CRACD: variants seen among roughly 807,000 people sequenced by gnomAD.
CRACD encodes the protein capping protein inhibiting regulator of actin dynamics.
Under a neutral mutation model 106.8 loss-of-function variants are expected in CRACD, and 56 were observed. The ratio of observed to expected loss-of-function variants is 0.52; its 90% CI spans 0.42 to 0.66. The LOEUF (loss-of-function observed/expected upper bound fraction) is 0.66. Among genes scored for constraint, CRACD ranks in the 30% least tolerant of loss-of-function variants. The probability of loss-of-function intolerance (pLI) is 0.00; values close to 1 mark genes in which losing one functional copy is unlikely to be tolerated. For synonymous variants in CRACD, 754 were observed against 670.8 expected (o/e 1.12, Z -1.92); for missense variants, 1,730 against 1,623.2 (o/e 1.07, Z -1.13).
chr4:56,118,291 T>A (rs1186216176), intron 1 of CRACD, among the ~76,000 whole-genome samples: 1 of 152,208 alleles, frequency 6.6e-6, no homozygotes, highest in African/African-American at 2.4e-5. Flanking sequence ...TACATGCTTC[T>A]GAGCGCTTTC....
rs1745352358 is a variant in CRACD, at chr4:56,314,246, A to G, written c.744A>G (p.Leu248=). 1.9e-6 allele frequency: 3 copies of G among 1,580,078 alleles called. No individual in the cohort carries two copies. The highest frequency in any genetic ancestry group is 1.7e-4 in the Middle Eastern group (1 of 6,020). ...CGGAAGCAGCCGAGAAGAGACGCCT[A>G]GAGGAGCAGAGGCTGCAGGCGCTGG... ...QKAEAAEKRR[L]EEQRLQALER... is the part of the protein sequence containing the mutation. The change falls in exon 8 of 11, where the codon CTA becomes CTG. Residue 248 remains leucine (L), a synonymous_variant. Coordinates refer to ENST00000682029, the MANE Select transcript of CRACD (RefSeq NM_001393381.1). The surrounding 1 kb of genome is among the most constrained non-coding windows in gnomAD (Gnocchi z 4.4).
At chr4:56,264,804 A>G (rs934127466) in intron 2 of CRACD, among the ~76,000 whole-genome samples, 3 of 152,240 alleles carry the variant, frequency 2.0e-5, no homozygotes, top group Admixed American at 1.3e-4. Context: ...TTATAAAAGT[A>G]TTAATTTGGA....
In CRACD at chr4:56,139,207, C is replaced by G. The variant is rs114476160; in HGVS notation, c.-335-40077C>G. On this transcript the variant is annotated intron_variant, in intron 1 of 10. Transcript: ENST00000682029. ...TGAGATTGCTTCAATATTTAATAATCATTATATGTCATAATATTACTGTCA... is the reference window on the plus strand; with the variant it reads ...TGAGATTGCTTCAATATTTAATAATGATTATATGTCATAATATTACTGTCA... Among the ~76,000 whole-genome samples, 829 of 152,258 alleles carry G rather than the reference C, an allele frequency of 5.4e-3. 4 individuals carry two copies. Among genetic ancestry groups the G allele is most frequent in the African/African-American group, 0.018 (768 of 41,550 alleles).
chr4:56,192,394 C>CA (rs556415866), intron 2 of CRACD, among the ~76,000 whole-genome samples: 2,666 of 130,016 alleles, frequency 0.021, 33 homozygotes, highest in Middle Eastern at 0.042. Flanking sequence ...GACTCCATCT[C>CA]AAAAAAAAAA....
intron 1 of CRACD, among the ~76,000 whole-genome samples, chr4:56,164,157 C>T (rs1279068214): frequency 6.1e-5 from 9 of 146,524 alleles, no homozygotes; most frequent in East Asian, 6.0e-4. Flanking sequence ...TTTTTTGAGA[C>T]GGAGTCTTGC....
chr4:56,133,345 A>G (rs1734888912), intron 1 of CRACD, among the ~76,000 whole-genome samples: 1 of 152,212 alleles, frequency 6.6e-6, no homozygotes, highest in Non-Finnish European at 1.5e-5. Context: ...TTATCTTCAA[A>G]GGAAGCATGA....
At chr4:56,108,852 C>T (rs936294355) in intron 1 of CRACD, among the ~76,000 whole-genome samples, 2 of 152,236 alleles carry the variant, frequency 1.3e-5, no homozygotes, top group African/African-American at 2.4e-5. Flanking sequence ...CTTCTATCTA[C>T]TACGAACTTC....
intron 2 of CRACD, among the ~76,000 whole-genome samples, chr4:56,247,068 G>C (rs1042402117): frequency 6.6e-6 from 1 of 152,182 alleles, no homozygotes; most frequent in East Asian, 1.9e-4. Flanking sequence ...ACAAAGAGTT[G>C]TGGTATTACT....
chr4:56,171,981 A>ACTC (rs374693431), intron 1 of CRACD, among the ~76,000 whole-genome samples: 409 of 136,762 alleles, frequency 3.0e-3, no homozygotes, highest in Non-Finnish European at 4.8e-3. Context: ...GAATTTCTGT[A>ACTC]CTCCTGCTGG....
chr4:56,157,671 A>G (rs1735809479), intron 1 of CRACD, among the ~76,000 whole-genome samples: 1 of 152,202 alleles, frequency 6.6e-6, no homozygotes, highest in Non-Finnish European at 1.5e-5. Context: ...TATGAAAGAA[A>G]ACCATATGGA....
chr4:56,180,444 T>C (rs1349299759), intron 2 of CRACD, among the ~76,000 whole-genome samples: 20 of 149,062 alleles, frequency 1.3e-4, no homozygotes, highest in Non-Finnish European at 4.5e-5. Flanking sequence ...AGCCGAGATC[T>C]CACTGCTGCA....
chr4:56,240,876 A>G (rs1740328933), intron 2 of CRACD, among the ~76,000 whole-genome samples: 1 of 152,164 alleles, frequency 6.6e-6, no homozygotes, highest in Non-Finnish European at 1.5e-5. Context: ...GTGTCTGGTG[A>G]GCTGTGCTGC....
At chr4:56,122,578 C>T (rs17086320) in intron 1 of CRACD, among the ~76,000 whole-genome samples, 23,754 of 152,026 alleles carry the variant, frequency 0.16, 1,977 homozygotes, top group East Asian at 0.32. Flanking sequence ...TGCACTGTTA[C>T]TAGGTGGATC....
rs773800217 is a variant in CRACD, at chr4:56,314,097, C to T, written c.595C>T (p.His199Tyr). 8.1e-6 allele frequency: 13 copies of T among 1,614,034 alleles called. No individual in the cohort carries two copies. The Admixed American group carries it at 1.7e-4, about 21-fold the overall frequency. The change falls in exon 8 of 11, where the codon CAC (histidine) becomes TAC (tyrosine). Residue 199 changes from histidine (H) to tyrosine (Y), a missense_variant. Around this residue, in one of 5 missense-constraint regions of CRACD, gnomAD observed 1,620 missense variants for 1,481.6 expected, o/e 1.09. Coordinates refer to ENST00000682029, the MANE Select transcript of CRACD (RefSeq NM_001393381.1). The surrounding 1 kb of genome is among the most constrained non-coding windows in gnomAD (Gnocchi z 4.4). ...TCGGCCCTGCCTGGACCAGAACGGA[C>T]ACCCAGGCGAGGACAAGCCAACGTG... is the stretch of plus-strand genomic sequence containing the variant. Reference protein sequence around the residue: ...ESRPCLDQNGHPGEDKPTWHE... With the variant: ...ESRPCLDQNGYPGEDKPTWHE...
intron 1 of CRACD, among the ~76,000 whole-genome samples, chr4:56,112,297 C>A (rs1734145887): frequency 6.6e-6 from 1 of 152,140 alleles, no homozygotes; most frequent in Non-Finnish European, 1.5e-5. Flanking sequence ...GACCCCAACT[C>A]CCAGATGGCT....
At chr4:56,209,543 C>A (rs368724602) in intron 2 of CRACD, among the ~76,000 whole-genome samples, 3 of 151,962 alleles carry the variant, frequency 2.0e-5, no homozygotes, top group East Asian at 3.9e-4. Context: ...TAATTTTGAA[C>A]TGTTTTATAT....
At chr4:56,299,471 A>T (rs1744237966) in intron 4 of CRACD, among the ~76,000 whole-genome samples, 1 of 152,008 alleles carries the variant, frequency 6.6e-6, no homozygotes, top group Admixed American at 6.6e-5. Context: ...GGAGTTTGAG[A>T]CTAACCTGGG....
chr4:56,294,937 A>G (rs1188721227), intron 3 of CRACD, among the ~76,000 whole-genome samples: 3 of 141,372 alleles, frequency 2.1e-5, no homozygotes, highest in Non-Finnish European at 4.7e-5. Flanking sequence ...AAAAAAAAGT[A>G]AAAAGAAAAA....
chr4:56,226,950 A>C (rs1739334538), intron 2 of CRACD, among the ~76,000 whole-genome samples: 2 of 150,344 alleles, frequency 1.3e-5, no homozygotes, highest in African/African-American at 4.9e-5. Context: ...CACACTTACC[A>C]GCGTCCCTTT....
Sources: gnomAD v4.1 joint callset for allele counts (sites outside exome capture counted in the v4.1 genomes callset) on GRCh38, gnomAD v4.1.1 for gene constraint, gnomAD v4.1.1 regional missense constraint, Gnocchi (gnomAD v3.1) non-coding constraint, MANE v1.5 for transcripts, NCBI Gene and HGNC (gene_info 2026-07-23, HGNC 2026-07-21) for gene names.